Variants in PAG1 observed in about 807,000 individuals in gnomAD.
The protein encoded by PAG1 is phosphoprotein associated with glycosphingolipid-enriched microdomains 1.
In PAG1, 23 loss-of-function variants were observed where a neutral mutation model predicts 31.7. The observed-to-expected ratio is 0.73, with a 90% CI of 0.52 to 1.03. The LOEUF (loss-of-function observed/expected upper bound fraction) is 1.03. Ranked by LOEUF, PAG1 falls within the 50% of genes least tolerant of loss-of-function variation. The pLI, the probability that PAG1 is intolerant of heterozygous loss-of-function variation, is 0.00. For synonymous variants in PAG1, 214 were observed against 210.3 expected, an observed-to-expected ratio of 1.02 and a Z score of -0.15; for missense variants, 473 against 540.7, an observed-to-expected ratio of 0.87 and a Z score of 1.24.
intron 3 of PAG1, among the ~76,000 whole-genome samples, chr8:81,013,003 G>C (rs1161991411): frequency 6.6e-6 from 1 of 152,188 alleles, no homozygotes; most frequent in Non-Finnish European, 1.5e-5. Flanking sequence ...CAAGACAGAG[G>C]TTTGTGTATA....
rs79084727 is a variant in PAG1, at chr8:81,021,375, A to G, written c.-81+8621T>C. Among the ~76,000 whole-genome samples the G allele has an allele frequency of 1.8e-3, 276 of 151,612 alleles. 1 individual carries two copies. Among genetic ancestry groups the G allele is most frequent in the African/African-American group, 6.1e-3 (253 of 41,256 alleles). The stretch of plus-strand genomic sequence containing the variant: ...TACATGTGTTACAATTAATGGACCA[A>G]TATCGGTACATTATTATTATTATTT... On this transcript the variant is annotated intron_variant, in intron 3 of 8. Coordinates refer to ENST00000220597, the MANE Select transcript of PAG1 (RefSeq NM_018440.4).
At chr8:80,985,916 G>A (rs975500802) in intron 6 of PAG1, among the ~76,000 whole-genome samples, 12 of 151,968 alleles carry the variant, frequency 7.9e-5, no homozygotes, top group African/African-American at 2.7e-4. Flanking sequence ...CTCATACCTT[G>A]CTTCCATCTC....
rs967224648 is a variant in PAG1 at position 80,970,769 on chromosome 8, G to A, written c.*5775C>T. 5.2e-5 allele frequency: 8 copies of A among 153,158 alleles called. No homozygotes were observed. The highest frequency in any genetic ancestry group is 7.2e-5 in the African/African-American group (3 of 41,450). The allele number at this position is 153,158 out of a possible 1,614,324, so 9.5% of individuals were successfully genotyped here. A position where few individuals can be genotyped will look rare whatever the true frequency, so the allele number is the denominator to read the frequency against. On this transcript the variant is annotated 3_prime_UTR_variant, in exon 9 of 9. Transcript: ENST00000220597. Reference sequence around the variant, plus strand: ...GTGACAAATAGCACCAGCATCTGCCGCCCTAGGTGGACCTGTGGCCTCATC... The same window carrying A: ...GTGACAAATAGCACCAGCATCTGCCACCCTAGGTGGACCTGTGGCCTCATC...
chr8:81,057,665 T>C (rs1393050749), intron 2 of PAG1, among the ~76,000 whole-genome samples: 1 of 152,086 alleles, frequency 6.6e-6, no homozygotes, highest in African/African-American at 2.4e-5. Flanking sequence ...TGTATACATA[T>C]GTAACAAACC....
At chr8:81,087,341 C>CAAAAAAAAAA (rs34830995) in intron 1 of PAG1, among the ~76,000 whole-genome samples, 1 of 98,318 alleles carries the variant, frequency 1.0e-5, no homozygotes, top group African/African-American at 3.8e-5. Context: ...GACTCTGTCT[C>CAAAAAAAAAA]AAAAAAAAAA....
chr8:80,977,358 G>A (rs998978089), intron 8 of PAG1, among the ~76,000 whole-genome samples: 2 of 152,204 alleles, frequency 1.3e-5, no homozygotes, highest in Non-Finnish European at 2.9e-5. Context: ...CAGGATCTGG[G>A]AATTTGTCAG....
intron 2 of PAG1, among the ~76,000 whole-genome samples, chr8:81,056,734 C>A (rs573926029): frequency 1.5e-3 from 231 of 150,718 alleles, no homozygotes; most frequent in African/African-American, 5.4e-3. Flanking sequence ...TCTAATTAAA[C>A]TAAAGAGCTT....
intron 2 of PAG1, among the ~76,000 whole-genome samples, chr8:81,052,483 G>A (rs1177082233): frequency 6.6e-6 from 1 of 152,124 alleles, no homozygotes; most frequent in East Asian, 1.9e-4. Context: ...GATGGTGGGT[G>A]GCATTTTTCT....
chr8:81,029,904 A>G (rs1808349108), intron 3 of PAG1, 92 bp downstream of exon 3: 1 of 152,192 alleles, frequency 6.6e-6, no homozygotes, highest in Non-Finnish European at 1.5e-5. Context: ...CTAGGTCTGT[A>G]TGAGACTAAA....
intron 3 of PAG1, among the ~76,000 whole-genome samples, chr8:81,013,063 C>T (rs1808011901): frequency 6.6e-6 from 1 of 152,178 alleles, no homozygotes; most frequent in Non-Finnish European, 1.5e-5. Context: ...GTATAACTAT[C>T]CAGAATCATT....
intron 1 of PAG1, among the ~76,000 whole-genome samples, chr8:81,104,425 A>G (rs1199353937): frequency 6.7e-6 from 1 of 148,776 alleles, no homozygotes; most frequent in African/African-American, 2.5e-5. Context: ...TCTCACAGGC[A>G]GATCACAACC....
intron 1 of PAG1, among the ~76,000 whole-genome samples, chr8:81,097,527 G>C (rs1809546380): frequency 6.6e-6 from 1 of 152,088 alleles, no homozygotes; most frequent in Non-Finnish European, 1.5e-5. Context: ...AGACTTGTGA[G>C]AAAGTTATTG....
rs193072874 is a variant in PAG1, at chr8:80,976,612, C to T, written c.1231G>A (p.Val411Ile). The change falls in exon 9 of 9, where the codon GTC becomes ATC. Residue 411 changes from valine to isoleucine, a missense_variant. Coordinates refer to ENST00000220597, the MANE Select transcript of PAG1 (RefSeq NM_018440.4). ...CTCTCGTAGTCGTTCTCCTTTGGGA[C>T]GAGACCGTGGTGGCCATTGGTCCCC... ...TLGTNGHHGL[V>I]PKENDYESIS... 3.8e-4 allele frequency: 621 copies of T among 1,614,048 alleles called. No individual in the cohort carries two copies. In the Middle Eastern group the frequency reaches 4.5e-3, roughly 12 times the overall value.
chr8:81,059,434 T>C (rs765636056), intron 2 of PAG1, among the ~76,000 whole-genome samples: 3 of 152,154 alleles, frequency 2.0e-5, no homozygotes, highest in Non-Finnish European at 4.4e-5. Flanking sequence ...GTTATGTTAC[T>C]ACCAGAAATT....
chr8:81,049,829 C>G (rs1808698050), intron 2 of PAG1, among the ~76,000 whole-genome samples: 1 of 152,174 alleles, frequency 6.6e-6, no homozygotes, highest in Non-Finnish European at 1.5e-5. Flanking sequence ...AGTGATATTA[C>G]TGAGGACTAA....
rs377208880 is a variant in PAG1, at chr8:81,073,805, C to T, written c.-233-3635G>A. ...CAATCACTGAAGAAAACCACAGAGG[C>T]ACTGTGGAGGTAGGGACTGCCTGGG... On this transcript the variant is annotated intron_variant, in intron 1 of 8. Coordinates refer to ENST00000220597, the MANE Select transcript of PAG1 (RefSeq NM_018440.4). Among the ~76,000 whole-genome samples the T allele has an allele frequency of 8.1e-4, 123 of 152,260 alleles. 1 individual carries two copies. The highest frequency in any genetic ancestry group is 2.8e-3 in the African/African-American group (118 of 41,550).
At chr8:80,995,487 GCAC>G (rs1369788785) in intron 3 of PAG1, among the ~76,000 whole-genome samples, 2 of 152,188 alleles carry the variant, frequency 1.3e-5, no homozygotes, top group African/African-American at 4.8e-5. Flanking sequence ...CTACAAATTG[GCAC>G]CACAATAGGT....
chr8:80,982,702 C>T (rs377281654), intron 7 of PAG1, among the ~76,000 whole-genome samples: 10 of 152,188 alleles, frequency 6.6e-5, no homozygotes, highest in African/African-American at 9.7e-5. Flanking sequence ...GGTTCTCCCC[C>T]CAAAACCTGC....
At chr8:81,047,782 A>G (rs76772573) in intron 2 of PAG1, among the ~76,000 whole-genome samples, 162 of 152,346 alleles carry the variant, frequency 1.1e-3, no homozygotes, top group Non-Finnish European at 1.8e-3. Flanking sequence ...TACACTCAGG[A>G]AATTATAGGC....
Sources: allele counts gnomAD v4.1 joint callset (sites outside exome capture counted in the v4.1 genomes callset), GRCh38; gene constraint gnomAD v4.1.1; transcripts MANE v1.5; gene names NCBI Gene and HGNC (gene_info 2026-07-23, HGNC 2026-07-21).